Variants in COL5A2 observed in about 807,000 individuals in gnomAD.
COL5A2 encodes collagen type V alpha 2 chain.
In COL5A2, 23 loss-of-function variants were observed where a neutral mutation model predicts 208.2. The observed-to-expected ratio is 0.11, with a 90% CI of 0.08 to 0.16. The LOEUF (loss-of-function observed/expected upper bound fraction) is 0.16. Ranked by LOEUF, COL5A2 falls within the 10% of genes least tolerant of loss-of-function variation. The probability of loss-of-function intolerance (pLI) is 1.00; values close to 1 mark genes in which losing one functional copy is unlikely to be tolerated. For synonymous variants in COL5A2, 625 were observed against 628.5 expected (o/e 0.99, Z 0.08); for missense variants, 1,590 against 1,956.4 (o/e 0.81, Z 3.53).
the COL5A2 span, among the ~76,000 whole-genome samples, chr2:189,287,760 T>A: frequency 6.6e-6 from 1 of 152,204 alleles, no homozygotes; most frequent in African/African-American, 2.4e-5. Flanking sequence ...TCTAAAAATG[T>A]TATATTCTAC....
chr2:189,126,156 C>A (rs886247368), intron 1 of COL5A2, among the ~76,000 whole-genome samples: 1 of 151,972 alleles, frequency 6.6e-6, no homozygotes, highest in Non-Finnish European at 1.5e-5. Context: ...ATTAATTTCA[C>A]TTAACAATCA....
chr2:189,243,024 T>A, the COL5A2 span, among the ~76,000 whole-genome samples: 1 of 151,944 alleles, frequency 6.6e-6, no homozygotes, highest in African/African-American at 2.4e-5. Flanking sequence ...GAGGAGTAGA[T>A]AATAAAAAAA....
chr2:189,359,679 G>A, the COL5A2 span, among the ~76,000 whole-genome samples: 4 of 152,102 alleles, frequency 2.6e-5, no homozygotes, highest in Non-Finnish European at 5.9e-5. Context: ...AGATTCAGTA[G>A]TGAAGCCATC....
At chr2:189,399,122 T>C in the COL5A2 span, among the ~76,000 whole-genome samples, 2 of 152,224 alleles carry the variant, frequency 1.3e-5, no homozygotes. Flanking sequence ...TATTTCTTTC[T>C]GCATTTTTAT....
the COL5A2 span, among the ~76,000 whole-genome samples, chr2:189,263,962 C>T: frequency 2.6e-5 from 4 of 152,020 alleles, no homozygotes; most frequent in Non-Finnish European, 4.4e-5. Context: ...GCAAACTATG[C>T]TCTCTGACTA....
chr2:189,319,783 A>C, the COL5A2 span, among the ~76,000 whole-genome samples: 1 of 152,236 alleles, frequency 6.6e-6, no homozygotes, highest in Non-Finnish European at 1.5e-5. Flanking sequence ...CTGCAGACTT[A>C]AATGTCCCTG....
In COL5A2 at chr2:189,032,069, C is replaced by T. The variant is rs1449962499; in HGVS notation, c.*2001G>A. On this transcript the variant is annotated 3_prime_UTR_variant, in exon 54 of 54. Coordinates refer to ENST00000374866, the MANE Select transcript of COL5A2 (RefSeq NM_000393.5). The stretch of plus-strand genomic sequence containing the variant: ...TTGGACTTGGAAGTCAAACAAAACT[C>T]ACACATGTATTTAGGCATATAAATA... 1 of 152,068 alleles carries T rather than the reference C, an allele frequency of 6.6e-6. No homozygotes were observed. The highest frequency in any genetic ancestry group is 1.5e-5 in the Non-Finnish European group (1 of 67,994). 9.4% of individuals were successfully genotyped at this position (152,068 alleles called of 1,614,324 possible). A position where few individuals can be genotyped will look rare whatever the true frequency, so the allele number is the denominator to read the frequency against.
rs1476473836 is a variant in COL5A2 at position 189,033,930 on chromosome 2, C to T, written c.*140G>A. On this transcript the variant is annotated 3_prime_UTR_variant, in exon 54 of 54. Transcript: ENST00000374866. ...TTCTGAAGGATAAGGAGGCCAGGCA[C>T]TTAAGACCATATATACAATGCTGAT... 1 of 1,100,742 alleles carries T rather than the reference C, an allele frequency of 9.1e-7. No individual in the cohort carries two copies. 68.2% of individuals were successfully genotyped at this position (1,100,742 alleles called of 1,614,324 possible).
the COL5A2 span, among the ~76,000 whole-genome samples, chr2:189,407,558 A>G: frequency 6.6e-6 from 1 of 151,794 alleles, no homozygotes; most frequent in Non-Finnish European, 1.5e-5. Flanking sequence ...GGCAAAAGAT[A>G]AGACTCTTTC....
the COL5A2 span, among the ~76,000 whole-genome samples, chr2:189,334,497 T>C: frequency 6.6e-6 from 1 of 151,962 alleles, no homozygotes; most frequent in African/African-American, 2.4e-5. Context: ...TACAATGGCA[T>C]TTTAAAAATT....
chr2:189,271,410 G>A, the COL5A2 span, among the ~76,000 whole-genome samples: 14 of 152,244 alleles, frequency 9.2e-5, no homozygotes, highest in African/African-American at 3.4e-4. Flanking sequence ...AATGGGGAAA[G>A]GATTCCCTAT....
At chr2:189,046,909 G>T (rs929540249) in intron 45 of COL5A2, among the ~76,000 whole-genome samples, 18 of 152,070 alleles carry the variant, frequency 1.2e-4, no homozygotes, top group African/African-American at 3.9e-4. Flanking sequence ...GGATCATGAG[G>T]TCAAGAGATC....
chr2:189,097,861 A>G (rs1021331869), intron 5 of COL5A2, among the ~76,000 whole-genome samples: 1 of 152,210 alleles, frequency 6.6e-6, no homozygotes, highest in Non-Finnish European at 1.5e-5. Context: ...TGCTTTATGT[A>G]CACTCAAGCA....
chr2:189,435,121 A>G, the COL5A2 span, among the ~76,000 whole-genome samples: 11 of 152,362 alleles, frequency 7.2e-5, no homozygotes, highest in Admixed American at 6.5e-4. Context: ...CTGGCTAGCC[A>G]TATGTAGAAA....
the COL5A2 span, among the ~76,000 whole-genome samples, chr2:189,263,905 A>G: frequency 6.6e-6 from 1 of 152,136 alleles, no homozygotes; most frequent in Non-Finnish European, 1.5e-5. Context: ...TATCTCCATC[A>G]TTAAGTGACA....
intron 1 of COL5A2, among the ~76,000 whole-genome samples, chr2:189,112,030 G>A (rs748002584): frequency 6.6e-6 from 1 of 151,786 alleles, no homozygotes; most frequent in African/African-American, 2.4e-5. Flanking sequence ...CATGCCCAGC[G>A]AATTTTTGTT....
the COL5A2 span, among the ~76,000 whole-genome samples, chr2:189,254,291 TG>T: frequency 1.8e-5 from 2 of 109,496 alleles, no homozygotes; most frequent in East Asian, 4.0e-4. Context: ...CTGTTTATCC[TG>T]ATTGAGTCAC....
At chr2:189,053,778 G>T in intron 37 of COL5A2, 117 bp downstream of exon 37, 2 of 945,316 alleles carry the variant, frequency 2.1e-6, no homozygotes, top group Non-Finnish European at 3.3e-6. Context: ...TAAAAACCAG[G>T]AAGTTATACA....
At chr2:189,155,386 C>T (rs986380895) in intron 1 of COL5A2, among the ~76,000 whole-genome samples, 1 of 152,032 alleles carries the variant, frequency 6.6e-6, no homozygotes, top group African/African-American at 2.4e-5. Flanking sequence ...TTTCACCTGC[C>T]TGATTCCTTC....
Sources: allele counts gnomAD v4.1 joint callset (sites outside exome capture counted in the v4.1 genomes callset), GRCh38; gene constraint gnomAD v4.1.1; transcripts MANE v1.5; gene names NCBI Gene and HGNC (gene_info 2026-07-23, HGNC 2026-07-21).